LINGO2: variants seen among roughly 807,000 people sequenced by gnomAD.
LINGO2 encodes the protein leucine rich repeat and Ig domain containing 2, also known as leucine-rich repeat and immunoglobulin-like domain-containing nogo receptor-interacting protein 2.
Under a neutral mutation model 30.6 loss-of-function variants are expected in LINGO2, and 14 were observed. The observed-to-expected ratio is 0.46, with a 90% confidence interval of 0.30 to 0.72. The LOEUF (loss-of-function observed/expected upper bound fraction) is 0.72. Ranked by LOEUF, LINGO2 falls within the 30% of genes least tolerant of loss-of-function variation. LINGO2 has a pLI of 0.07. For missense variants in LINGO2, 729 were observed against 751.7 expected (o/e 0.97, Z 0.35); for synonymous variants, 317 against 288.5 (o/e 1.10, Z -1.00).
chr9:28,048,433 AAC>A (rs1266224912), intron 4 of LINGO2, among the ~76,000 whole-genome samples: 3 of 150,904 alleles, frequency 2.0e-5, no homozygotes, highest in Non-Finnish European at 2.9e-5. Flanking sequence ...ATACCGAGGA[AAC>A]ACTATCCCAA....
the LINGO2 span, among the ~76,000 whole-genome samples, chr9:28,800,305 T>A: frequency 0.022 from 3,399 of 152,226 alleles, 130 homozygotes; most frequent in African/African-American, 0.076. Context: ...GAAATGTTTC[T>A]ATTTTTTGGT....
At chr9:28,775,118 G>A in the LINGO2 span, among the ~76,000 whole-genome samples, 1 of 152,174 alleles carries the variant, frequency 6.6e-6, no homozygotes, top group Non-Finnish European at 1.5e-5. Context: ...AGGCAAAACA[G>A]AGTTATGAGT....
intron 1 of LINGO2, among the ~76,000 whole-genome samples, chr9:28,481,730 A>G (rs529586052): frequency 4.6e-5 from 7 of 152,142 alleles, no homozygotes; most frequent in Non-Finnish European, 1.0e-4. Flanking sequence ...CCACTAACTC[A>G]TCATCTAGCA....
chr9:29,096,580 C>T, the LINGO2 span, among the ~76,000 whole-genome samples: 1 of 140,694 alleles, frequency 7.1e-6, no homozygotes, highest in Non-Finnish European at 1.6e-5. Flanking sequence ...GCCACCATGG[C>T]CAGCCTCTAC....
At chr9:29,188,939 G>C in the LINGO2 span, among the ~76,000 whole-genome samples, 1 of 148,574 alleles carries the variant, frequency 6.7e-6, no homozygotes, top group Non-Finnish European at 1.5e-5. Context: ...TCCCGGACGG[G>C]GTGGCTGGCC....
intron 1 of LINGO2, among the ~76,000 whole-genome samples, chr9:28,547,798 T>C (rs1030536464): frequency 6.6e-6 from 1 of 152,088 alleles, no homozygotes; most frequent in African/African-American, 2.4e-5. Flanking sequence ...AGGCTGAACA[T>C]ATACAGAGTG....
At chr9:28,528,845 A>T (rs7871843) in intron 1 of LINGO2, among the ~76,000 whole-genome samples, 10,916 of 152,042 alleles carry the variant, frequency 0.072, 793 homozygotes, top group African/African-American at 0.18. Context: ...TATATATTCA[A>T]ATAAAATTTG....
intron 4 of LINGO2, among the ~76,000 whole-genome samples, chr9:28,051,522 T>C (rs1162466566): frequency 6.6e-6 from 1 of 152,124 alleles, no homozygotes; most frequent in Non-Finnish European, 1.5e-5. Context: ...GTGAATACCT[T>C]GCACTGGAGA....
At chr9:28,545,926 C>T (rs1821915184) in intron 1 of LINGO2, among the ~76,000 whole-genome samples, 1 of 151,898 alleles carries the variant, frequency 6.6e-6, no homozygotes, top group Admixed American at 6.6e-5. Context: ...TGAAAGAATC[C>T]ACACAACATT....
At chr9:28,195,833 G>T (rs1819991901) in intron 4 of LINGO2, among the ~76,000 whole-genome samples, 1 of 151,642 alleles carries the variant, frequency 6.6e-6, no homozygotes, top group African/African-American at 2.4e-5. Context: ...TGGAAAAAAA[G>T]ATGTACACAT....
chr9:28,826,191 ATC>A, the LINGO2 span, among the ~76,000 whole-genome samples: 1 of 152,190 alleles, frequency 6.6e-6, no homozygotes, highest in East Asian at 1.9e-4. Flanking sequence ...AGTGTATATA[ATC>A]TCTGCCCATT....
intron 3 of LINGO2, among the ~76,000 whole-genome samples, chr9:28,340,824 A>T (rs527333559): frequency 6.6e-6 from 1 of 152,224 alleles, no homozygotes; most frequent in Admixed American, 6.5e-5. Context: ...AAAACTTGTT[A>T]TTAGGTTACT....
the LINGO2 span, among the ~76,000 whole-genome samples, chr9:28,967,951 G>A: frequency 6.6e-6 from 1 of 152,118 alleles, no homozygotes; most frequent in South Asian, 2.1e-4. Flanking sequence ...TATTAAGTAA[G>A]TACTACTTTG....
At chr9:27,978,165 G>A (rs1046062617) in intron 5 of LINGO2, among the ~76,000 whole-genome samples, 2 of 152,038 alleles carry the variant, frequency 1.3e-5, no homozygotes, top group Admixed American at 1.3e-4. Flanking sequence ...TCCAGAGTCA[G>A]CTTTGGCGCT....
chr9:28,282,171 T>A (rs2134131492), intron 4 of LINGO2, among the ~76,000 whole-genome samples: 1 of 152,274 alleles, frequency 6.6e-6, no homozygotes, highest in South Asian at 2.1e-4. Flanking sequence ...AAGTTTAAAA[T>A]AGTCAAGTTA....
the LINGO2 span, among the ~76,000 whole-genome samples, chr9:28,797,360 A>ATATAGAGG: frequency 2.2e-5 from 1 of 45,308 alleles, no homozygotes; most frequent in South Asian, 1.1e-3. Flanking sequence ...ATATATATAT[A>ATATAGAGG]GAGAGAGAGA....
At chr9:28,667,472 G>A (rs978754762) in intron 1 of LINGO2, among the ~76,000 whole-genome samples, 2 of 152,018 alleles carry the variant, frequency 1.3e-5, no homozygotes, top group South Asian at 2.1e-4. Flanking sequence ...CACTGGGCAC[G>A]GTGGCTCACG....
intron 1 of LINGO2, among the ~76,000 whole-genome samples, chr9:28,655,290 T>A (rs889372142): frequency 1.4e-4 from 21 of 151,926 alleles, no homozygotes; most frequent in Non-Finnish European, 2.8e-4. Context: ...CCCCTTAGTT[T>A]AGGCCAGTTT....
chr9:28,902,284 C>CTGTA, the LINGO2 span, among the ~76,000 whole-genome samples: 1 of 152,066 alleles, frequency 6.6e-6, no homozygotes, highest in Non-Finnish European at 1.5e-5. Flanking sequence ...CAGTCAAAAA[C>CTGTA]TGTAACATGA....
Sources: allele counts gnomAD v4.1 joint callset (sites outside exome capture counted in the v4.1 genomes callset), GRCh38; gene constraint gnomAD v4.1.1; transcripts MANE v1.5; gene names NCBI Gene and HGNC (gene_info 2026-07-23, HGNC 2026-07-21).